ERC2: variants seen among roughly 807,000 people sequenced by gnomAD.
The protein encoded by ERC2 is ERC protein 2.
In ERC2, 42 loss-of-function variants were observed where a neutral mutation model predicts 114.8. The ratio of observed to expected loss-of-function variants is 0.37; its 90% CI spans 0.29 to 0.47. The LOEUF is 0.47. Among genes scored for constraint, ERC2 ranks in the 20% least tolerant of loss-of-function variants. The pLI is 0.99. For synonymous variants in ERC2, 454 were observed against 425.5 expected (o/e 1.07, Z -0.82); for missense variants, 939 against 1,150.7 (o/e 0.82, Z 2.66).
At chr3:55,692,634 C>G (rs1017613808) in intron 16 of ERC2, among the ~76,000 whole-genome samples, 2 of 152,194 alleles carry the variant, frequency 1.3e-5, no homozygotes, top group Non-Finnish European at 1.5e-5. Flanking sequence ...TACCTTATGG[C>G]TCTTTTGCCT....
chr3:56,340,773 T>C (rs535062465), intron 2 of ERC2, among the ~76,000 whole-genome samples: 2 of 152,284 alleles, frequency 1.3e-5, no homozygotes, highest in East Asian at 3.9e-4. Flanking sequence ...TCTTCCTTTA[T>C]AGCTTATCCT....
chr3:56,126,857 A>C (rs188997181), intron 6 of ERC2, among the ~76,000 whole-genome samples: 1 of 151,434 alleles, frequency 6.6e-6, no homozygotes, highest in East Asian at 1.9e-4. Flanking sequence ...AAAGGAAAAG[A>C]AAGGCAAGGC....
At chr3:56,162,100 T>C (rs533777150) in intron 4 of ERC2, among the ~76,000 whole-genome samples, 2 of 152,326 alleles carry the variant, frequency 1.3e-5, no homozygotes, top group South Asian at 2.1e-4. Context: ...TGAAGGGATG[T>C]TGGATTTTAT....
intron 2 of ERC2, among the ~76,000 whole-genome samples, chr3:56,298,532 A>AT (rs2055607530): frequency 6.6e-6 from 1 of 152,234 alleles, no homozygotes; most frequent in African/African-American, 2.4e-5. Context: ...TTATTCAGCC[A>AT]TAAAAAGGAA....
intron 14 of ERC2, among the ~76,000 whole-genome samples, chr3:55,872,436 T>C (rs549254244): frequency 8.5e-5 from 13 of 152,338 alleles, no homozygotes; most frequent in African/African-American, 2.9e-4. Flanking sequence ...TCTCCAAATA[T>C]AGGCATTTGA....
chr3:55,570,692 A>G (rs2056655686), intron 17 of ERC2, among the ~76,000 whole-genome samples: 1 of 152,194 alleles, frequency 6.6e-6, no homozygotes, highest in Non-Finnish European at 1.5e-5. Flanking sequence ...AAGGAAAATT[A>G]CAAAACCTTG....
chr3:55,942,445 C>T (rs367636684), intron 13 of ERC2, among the ~76,000 whole-genome samples: 12 of 149,366 alleles, frequency 8.0e-5, no homozygotes, highest in African/African-American at 2.9e-4. Flanking sequence ...CCCGCCACTA[C>T]GCCCGGCTAA....
intron 17 of ERC2, 113 bp downstream of exon 17, chr3:55,683,681 T>C (rs1003699195): frequency 3.4e-6 from 3 of 883,770 alleles, no homozygotes; most frequent in Admixed American, 2.5e-5. Flanking sequence ...CAGAACACAG[T>C]AGCAAACACA....
At chr3:55,722,634 T>C (rs1014364916) in intron 15 of ERC2, among the ~76,000 whole-genome samples, 2 of 152,216 alleles carry the variant, frequency 1.3e-5, no homozygotes, top group African/African-American at 2.4e-5. Flanking sequence ...TGTTCACTGT[T>C]GTGTCTCCGG....
chr3:56,324,745 T>C (rs1202775795), intron 2 of ERC2, among the ~76,000 whole-genome samples: 1 of 151,876 alleles, frequency 6.6e-6, no homozygotes, highest in African/African-American at 2.4e-5. Context: ...GCAGGAAGGG[T>C]AAAATTAAAA....
At chr3:56,307,694 A>G (rs139697201) in intron 2 of ERC2, among the ~76,000 whole-genome samples, 1 of 152,310 alleles carries the variant, frequency 6.6e-6, no homozygotes, top group African/African-American at 2.4e-5. Flanking sequence ...CTGTGTTTCA[A>G]TAGTGTTTCC....
intron 7 of ERC2, among the ~76,000 whole-genome samples, chr3:56,020,898 G>A (rs1343989752): frequency 2.0e-5 from 3 of 152,090 alleles, no homozygotes; most frequent in Non-Finnish European, 2.9e-5. Flanking sequence ...TCATATAACT[G>A]GAAAGACTAG....
chr3:55,856,596 A>T (rs1033428111), intron 14 of ERC2, among the ~76,000 whole-genome samples: 5 of 152,210 alleles, frequency 3.3e-5, no homozygotes, highest in Admixed American at 3.3e-4. Flanking sequence ...ACATACACAT[A>T]CAATATAATG....
At position 56,113,371 on chromosome 3, in the gene ERC2, G is replaced by A. The variant is rs557976974; in HGVS notation, c.1473+26138C>T. On this transcript the variant is annotated intron_variant, in intron 6 of 17. Coordinates refer to ENST00000288221, the MANE Select transcript of ERC2 (RefSeq NM_015576.3). ...GTTTCAGAGCAGAAAACACTAAGGAGCATCAGTCCCTGCTGACCATAAAGA... is the reference window on the plus strand; with the variant it reads ...GTTTCAGAGCAGAAAACACTAAGGAACATCAGTCCCTGCTGACCATAAAGA... Among the ~76,000 whole-genome samples, 25 of 152,272 alleles carry A rather than the reference G, an allele frequency of 1.6e-4. No individual in the cohort carries two copies. In the South Asian group the frequency reaches 5.2e-3, roughly 32 times the overall value.
intron 2 of ERC2, among the ~76,000 whole-genome samples, chr3:56,396,877 C>T (rs1384976587): frequency 6.6e-6 from 1 of 152,070 alleles, no homozygotes; most frequent in Non-Finnish European, 1.5e-5. Flanking sequence ...TGCTTCCTAC[C>T]TTCCACCATA....
intron 3 of ERC2, among the ~76,000 whole-genome samples, chr3:56,188,063 A>T (rs2083737511): frequency 1.3e-5 from 2 of 152,102 alleles, no homozygotes; most frequent in African/African-American, 4.8e-5. Context: ...TAATAGGGTG[A>T]CAGGGGGAGG....
chr3:56,398,743 C>A (rs571240858), intron 2 of ERC2, among the ~76,000 whole-genome samples: 1 of 152,218 alleles, frequency 6.6e-6, no homozygotes, highest in East Asian at 1.9e-4. Flanking sequence ...ACCTCAGCCT[C>A]CTAAACAGCT....
chr3:56,165,721 A>G (rs2082290859), intron 4 of ERC2, among the ~76,000 whole-genome samples: 1 of 151,748 alleles, frequency 6.6e-6, no homozygotes, highest in South Asian at 2.1e-4. Context: ...TGTTTTCTCA[A>G]TTTCATATCT....
intron 8 of ERC2, among the ~76,000 whole-genome samples, chr3:56,015,107 T>G (rs922295948): frequency 6.6e-6 from 1 of 152,220 alleles, no homozygotes; most frequent in African/African-American, 2.4e-5. Flanking sequence ...TTAGCAAAAT[T>G]AATTTGGAAA....
Sources: allele counts gnomAD v4.1 joint callset (sites outside exome capture counted in the v4.1 genomes callset), GRCh38; gene constraint gnomAD v4.1.1; transcripts MANE v1.5; gene names NCBI Gene and HGNC (gene_info 2026-07-23, HGNC 2026-07-21).